GRM1: variants seen among roughly 807,000 people sequenced by gnomAD.
The protein encoded by GRM1 is metabotropic glutamate receptor 1.
Under a neutral mutation model 90.9 loss-of-function variants are expected in GRM1, and 33 were observed. The observed-to-expected ratio is 0.36, with a 90% confidence interval of 0.28 to 0.49. The LOEUF (loss-of-function observed/expected upper bound fraction) is 0.49, where lower values mean the gene tolerates loss of function less well. Ranked by LOEUF, GRM1 falls within the 20% of genes least tolerant of loss-of-function variation. The pLI is 0.99. For missense variants in GRM1, 1,190 were observed against 1,534.3 expected (o/e 0.78, Z 3.75); for synonymous variants, 700 against 613.2 (o/e 1.14, Z -2.09).
At chr6:146,418,578 T>A (rs1164789476) in intron 7 of GRM1, among the ~76,000 whole-genome samples, 1 of 151,690 alleles carries the variant, frequency 6.6e-6, no homozygotes, top group Non-Finnish European at 1.5e-5. Context: ...TTAATTTAAA[T>A]TTTCCTGGGG....
At position 146,030,108 on chromosome 6, in the gene GRM1, G is replaced by A. The variant is rs757467301; in HGVS notation, c.591G>A (p.Leu197=). The A allele has an allele frequency of 6.2e-7, 1 of 1,614,164 alleles. No homozygotes were observed. The highest frequency in any genetic ancestry group is 8.5e-7 in the Non-Finnish European group (1 of 1,180,016). Residue 197 remains leucine (L), a synonymous_variant, in exon 1 of 8, where the codon TTG becomes TTA. Coordinates refer to ENST00000282753, the MANE Select transcript of GRM1 (RefSeq NM_001278064.2). ...ATSIDLSDKT[L]YKYFLRVVPS... ...GCATCGACCTGAGTGACAAAACTTT[G>A]TACAAATACTTCCTGAGGGTTGTCC...
intron 7 of GRM1, among the ~76,000 whole-genome samples, chr6:146,403,016 C>T (rs1030087631): frequency 3.9e-5 from 6 of 151,908 alleles, no homozygotes; most frequent in African/African-American, 1.5e-4. Context: ...ATTTCTTTAG[C>T]TTTTTAAAAA....
chr6:146,064,739 C>T (rs191651574), intron 1 of GRM1, among the ~76,000 whole-genome samples: 2 of 147,506 alleles, frequency 1.4e-5, no homozygotes, highest in Admixed American at 6.8e-5. Flanking sequence ...TGCAGTGAGC[C>T]GAGATCGCGC....
chr6:146,174,674 T>C (rs962994276), intron 2 of GRM1, among the ~76,000 whole-genome samples: 2 of 152,232 alleles, frequency 1.3e-5, no homozygotes, highest in African/African-American at 4.8e-5. Context: ...TTTTGGGTTA[T>C]TAGATTAGGA....
chr6:146,390,121 GA>G (rs1252182102), intron 6 of GRM1, among the ~76,000 whole-genome samples: 1 of 151,750 alleles, frequency 6.6e-6, no homozygotes, highest in African/African-American at 2.4e-5. Flanking sequence ...ATTCTTCTTT[GA>G]AAAATAGTGT....
At chr6:146,043,796 T>TATATATATATATATAG (rs1554260527) in intron 1 of GRM1, among the ~76,000 whole-genome samples, 12,587 of 137,744 alleles carry the variant, frequency 0.091, 942 homozygotes, top group Non-Finnish European at 0.13. Flanking sequence ...TATATATATA[T>TATATATATATATATAG]ATATATATAT....
intron 7 of GRM1, among the ~76,000 whole-genome samples, chr6:146,415,682 C>T (rs1777755166): frequency 6.6e-6 from 1 of 152,078 alleles, no homozygotes; most frequent in Non-Finnish European, 1.5e-5. Context: ...TTGGCCATTC[C>T]AGGTTTAGAA....
intron 1 of GRM1, among the ~76,000 whole-genome samples, chr6:146,107,950 T>G (rs2128872715): frequency 6.6e-6 from 1 of 152,330 alleles, no homozygotes; most frequent in South Asian, 2.1e-4. Context: ...CTACTATCTA[T>G]CTCCAATTCA....
rs567163672 is a variant in GRM1 at position 146,383,857 on chromosome 6, A to G, written c.1603-3033A>G. Among the ~76,000 whole-genome samples the G allele has an allele frequency of 3.3e-5, 5 of 152,272 alleles. No individual in the cohort carries two copies. In the East Asian group the frequency reaches 9.6e-4, roughly 29 times the overall value. On this transcript the variant is annotated intron_variant, in intron 5 of 7. Transcript: ENST00000282753. ...CTGCTCCTAGAGATGAGGGATTAACAGAGTCCAGACTTAGCCTTCTGCCAT... is the reference window on the plus strand; with the variant it reads ...CTGCTCCTAGAGATGAGGGATTAACGGAGTCCAGACTTAGCCTTCTGCCAT...
intron 5 of GRM1, among the ~76,000 whole-genome samples, chr6:146,366,061 G>C (rs768275017): frequency 6.6e-6 from 1 of 152,168 alleles, no homozygotes; most frequent in Non-Finnish European, 1.5e-5. Flanking sequence ...GGTGGGGATA[G>C]TATGTTTTGT....
intron 3 of GRM1, among the ~76,000 whole-genome samples, chr6:146,317,902 G>C (rs1784032611): frequency 6.6e-6 from 1 of 152,184 alleles, no homozygotes; most frequent in South Asian, 2.1e-4. Context: ...TAATATATGG[G>C]AACAATCTTC....
intron 2 of GRM1, among the ~76,000 whole-genome samples, chr6:146,267,453 T>C (rs1422123136): frequency 1.3e-5 from 2 of 152,042 alleles, no homozygotes; most frequent in Non-Finnish European, 2.9e-5. Flanking sequence ...AGAATATATA[T>C]AGGGGAGTTT....
intron 1 of GRM1, among the ~76,000 whole-genome samples, chr6:146,079,728 A>G (rs563888692): frequency 6.6e-6 from 1 of 152,320 alleles, no homozygotes; most frequent in Non-Finnish European, 1.5e-5. Flanking sequence ...TGTCTTTTCA[A>G]TCACGAGAAT....
At chr6:146,417,540 T>G (rs1777833375) in intron 7 of GRM1, among the ~76,000 whole-genome samples, 2 of 152,196 alleles carry the variant, frequency 1.3e-5, no homozygotes, top group South Asian at 4.1e-4. Flanking sequence ...GATAATTGCT[T>G]ATTCAGTTCT....
chr6:146,370,069 A>G (rs1188971569), intron 5 of GRM1, among the ~76,000 whole-genome samples: 2 of 152,108 alleles, frequency 1.3e-5, no homozygotes, highest in Non-Finnish European at 2.9e-5. Context: ...CTTTATCATT[A>G]TAAAATAGCC....
At chr6:146,124,387 C>T (rs1397012913) in intron 1 of GRM1, among the ~76,000 whole-genome samples, 1 of 152,150 alleles carries the variant, frequency 6.6e-6, no homozygotes, top group Admixed American at 6.6e-5. Flanking sequence ...AATGTTTGCA[C>T]TGATTTTGGC....
At chr6:146,159,025 C>A (rs965046495) in intron 1 of GRM1, among the ~76,000 whole-genome samples, 1 of 152,218 alleles carries the variant, frequency 6.6e-6, no homozygotes, top group Non-Finnish European at 1.5e-5. Flanking sequence ...ATGCACTGAT[C>A]TCTCCTACGT....
intron 7 of GRM1, among the ~76,000 whole-genome samples, chr6:146,417,503 C>T (rs1053709691): frequency 7.9e-5 from 12 of 152,102 alleles, no homozygotes; most frequent in Non-Finnish European, 1.5e-4. Flanking sequence ...GGTGATTACA[C>T]TTGTAATACT....
At chr6:146,167,756 C>T (rs926788982) in intron 2 of GRM1, among the ~76,000 whole-genome samples, 1 of 151,818 alleles carries the variant, frequency 6.6e-6, no homozygotes, top group Admixed American at 6.6e-5. Context: ...ATTATGGAGT[C>T]GTAAAAGTTA....
Sources: gnomAD v4.1 joint callset for allele counts (sites outside exome capture counted in the v4.1 genomes callset) on GRCh38, gnomAD v4.1.1 for gene constraint, MANE v1.5 for transcripts, NCBI Gene and HGNC (gene_info 2026-07-23, HGNC 2026-07-21) for gene names.